RPS6KA2: variants seen among roughly 807,000 people sequenced by gnomAD.
RPS6KA2 encodes the protein ribosomal protein S6 kinase A2.
In RPS6KA2, 42 loss-of-function variants were observed where a neutral mutation model predicts 91.8. The ratio of observed to expected loss-of-function variants is 0.46; its 90% CI spans 0.36 to 0.59. The LOEUF (loss-of-function observed/expected upper bound fraction) is 0.59. Among genes scored for constraint, RPS6KA2 ranks in the 20% least tolerant of loss-of-function variants. The probability of loss-of-function intolerance (pLI) is 0.00; values close to 1 mark genes in which losing one functional copy is unlikely to be tolerated. For synonymous variants in RPS6KA2, 414 were observed against 393.6 expected (o/e 1.05, Z -0.61); for missense variants, 798 against 978.5 (o/e 0.82, Z 2.46).
intron 2 of RPS6KA2, among the ~76,000 whole-genome samples, chr6:166,651,556 C>T (rs1017438082): frequency 2.0e-5 from 3 of 152,178 alleles, no homozygotes; most frequent in South Asian, 4.1e-4. Flanking sequence ...AGGAAAGCTA[C>T]GAAGGCTGTT....
At chr6:166,805,043 T>C (rs940974755) in intron 2 of RPS6KA2, among the ~76,000 whole-genome samples, 6 of 152,198 alleles carry the variant, frequency 3.9e-5, no homozygotes, top group African/African-American at 1.4e-4. Flanking sequence ...TATGAATCCA[T>C]CTCTACTTAG....
At chr6:166,769,812 G>C (rs1221390726) in intron 2 of RPS6KA2, among the ~76,000 whole-genome samples, 1 of 152,180 alleles carries the variant, frequency 6.6e-6, no homozygotes, top group Non-Finnish European at 1.5e-5. Context: ...CCAGCGACGG[G>C]GCTGAGAAAA....
chr6:166,459,510 T>A lies in RPS6KA2; in HGVS notation c.1014A>T (p.Ala338=). 6.2e-7 allele frequency: 1 copy of A among 1,614,156 alleles called. No homozygotes were observed. The highest frequency in any genetic ancestry group is 1.1e-5 in the South Asian group (1 of 91,072). The change falls in exon 12 of 21, where the codon GCA becomes GCT. Residue 338 remains alanine (A), a synonymous_variant. Transcript: ENST00000265678. The surrounding 1 kb of genome is among the most constrained non-coding windows in gnomAD (Gnocchi z 4.9). The part of the protein sequence containing the change: ...RKEIKPPFKP[A]VGRPEDTFHF... ...GGAAGGTGTCCTCAGGCCTGCCCACTGCTGGTTTGAACGGTGGCTTGATCT... is the reference window on the plus strand; with the variant it reads ...GGAAGGTGTCCTCAGGCCTGCCCACAGCTGGTTTGAACGGTGGCTTGATCT...
intron 2 of RPS6KA2, chr6:166,701,831 A>G (rs1050070527): frequency 1.1e-6 from 1 of 902,852 alleles, no homozygotes; most frequent in Non-Finnish European, 1.8e-6. Flanking sequence ...ACATGTCTCA[A>G]CATTGCCTTT....
chr6:166,685,998 G>A (rs370014212), intron 2 of RPS6KA2, among the ~76,000 whole-genome samples: 1 of 152,184 alleles, frequency 6.6e-6, no homozygotes, highest in South Asian at 2.1e-4. Flanking sequence ...GAGCTGTGAG[G>A]TCTTTACATT....
chr6:166,558,079 TA>T (rs1024397035), intron 1 of RPS6KA2, among the ~76,000 whole-genome samples: 3 of 151,954 alleles, frequency 2.0e-5, no homozygotes, highest in East Asian at 1.9e-4. Context: ...TGTATATATA[TA>T]GGGGTGTGTA....
intron 2 of RPS6KA2, among the ~76,000 whole-genome samples, chr6:166,718,013 T>G (rs1037264963): frequency 2.0e-5 from 3 of 152,092 alleles, no homozygotes; most frequent in African/African-American, 7.2e-5. Flanking sequence ...CACGCCCAGC[T>G]AATTTTTGTA....
rs1311909721 is a variant in RPS6KA2, at chr6:166,493,909, G to C, written c.748-3168C>G. Among the ~76,000 whole-genome samples the C allele has an allele frequency of 6.6e-6, 1 of 152,182 alleles. No homozygotes were observed. The highest frequency in any genetic ancestry group is 6.5e-5 in the Admixed American group (1 of 15,284). On this transcript the variant is annotated intron_variant, in intron 8 of 20. Transcript: ENST00000265678. The surrounding 1 kb of genome is among the most constrained non-coding windows in gnomAD (Gnocchi z 4.7). ...AGCCCTGTCTAAAGGGACAGCTAAG[G>C]AACCTGGAAAGAGTGGCGGCCCCGG...
chr6:166,625,888 C>CT (rs1583340812), intron 1 of RPS6KA2, among the ~76,000 whole-genome samples: 1 of 152,208 alleles, frequency 6.6e-6, no homozygotes, highest in Admixed American at 6.5e-5. Context: ...TTCTCTTCTA[C>CT]TTTTTTGTCT....
chr6:166,539,154 G>A (rs538683034), intron 1 of RPS6KA2, among the ~76,000 whole-genome samples: 14 of 152,166 alleles, frequency 9.2e-5, no homozygotes, highest in South Asian at 2.1e-4. Context: ...TCCTGACCTC[G>A]CGATCCACCT....
intron 11 of RPS6KA2, among the ~76,000 whole-genome samples, chr6:166,465,822 A>T (rs2128462906): frequency 6.6e-6 from 1 of 152,336 alleles, no homozygotes; most frequent in East Asian, 1.9e-4. Context: ...TCCAGCTGTG[A>T]CGTCATGGAC....
intron 2 of RPS6KA2, among the ~76,000 whole-genome samples, chr6:166,846,467 A>G (rs769448971): frequency 6.6e-6 from 1 of 152,222 alleles, no homozygotes. Context: ...CCAACAAAAT[A>G]CTAGCTAACT....
At chr6:166,484,923 C>T (rs1781353312) in intron 10 of RPS6KA2, among the ~76,000 whole-genome samples, 1 of 152,216 alleles carries the variant, frequency 6.6e-6, no homozygotes, top group South Asian at 2.1e-4. Context: ...AGTACTGTCA[C>T]GAGAATTCAA....
chr6:166,762,647 G>A lies in RPS6KA2; in HGVS notation c.123+95553C>T, dbSNP rs1283494574. ...CTGAGAGACTCAGCCTCACATGAAAGTCCTGTTTGCTCCCAGTTCACAGGT... is the reference window on the plus strand; with the variant it reads ...CTGAGAGACTCAGCCTCACATGAAAATCCTGTTTGCTCCCAGTTCACAGGT... On this transcript the variant is annotated intron_variant, in intron 2 of 21. Transcript: ENST00000503859. Among the ~76,000 whole-genome samples, 3 of 152,154 alleles carry A rather than the reference G, an allele frequency of 2.0e-5. No individual in the cohort carries two copies. In the East Asian group the frequency reaches 5.8e-4, roughly 29 times the overall value.
rs566076479 is a variant in RPS6KA2, at chr6:166,571,676, A to G, written c.100-32892T>C. The stretch of plus-strand genomic sequence containing the variant: ...AGAAATAAAATTAGATAGGTGAGAG[A>G]CTTTTTTTTTTTTTTGCCTATCTAG... On this transcript the variant is annotated intron_variant, in intron 1 of 20. Transcript: ENST00000265678. Among the ~76,000 whole-genome samples, 13 of 92,106 alleles carry G rather than the reference A, an allele frequency of 1.4e-4. No individual in the cohort carries two copies. In the South Asian group the frequency reaches 6.2e-3, roughly 44 times the overall value. The allele number at this position is 92,106 out of a possible 152,430, so 60.4% of individuals were successfully genotyped here.
At chr6:166,778,506 C>T (rs1164289593) in intron 2 of RPS6KA2, among the ~76,000 whole-genome samples, 1 of 152,318 alleles carries the variant, frequency 6.6e-6, no homozygotes, top group South Asian at 2.1e-4. Context: ...TGGCTCACAC[C>T]TGTAATCTCA....
At chr6:166,541,176 C>T (rs1783641038) in intron 1 of RPS6KA2, among the ~76,000 whole-genome samples, 1 of 152,178 alleles carries the variant, frequency 6.6e-6, no homozygotes, top group African/African-American at 2.4e-5. Context: ...CCAAAGCACA[C>T]CCTTCTGTGA....
intron 2 of RPS6KA2, among the ~76,000 whole-genome samples, chr6:166,634,786 G>A (rs909251036): frequency 6.6e-6 from 1 of 152,134 alleles, no homozygotes; most frequent in Non-Finnish European, 1.5e-5. Context: ...ACTTTTAGTA[G>A]AGATGGGGTT....
At chr6:166,760,742 A>T (rs1293828705) in intron 2 of RPS6KA2, among the ~76,000 whole-genome samples, 8 of 152,254 alleles carry the variant, frequency 5.3e-5, no homozygotes, top group Non-Finnish European at 1.0e-4. Flanking sequence ...TGGGGAAAGA[A>T]GAATCGGATG....
Sources: gnomAD v4.1 joint callset for allele counts (sites outside exome capture counted in the v4.1 genomes callset) on GRCh38, gnomAD v4.1.1 for gene constraint, Gnocchi (gnomAD v3.1) non-coding constraint, MANE v1.5 for transcripts, NCBI Gene and HGNC (gene_info 2026-07-23, HGNC 2026-07-21) for gene names.